Variants in GNG2 observed in about 807,000 individuals in gnomAD.
The protein encoded by GNG2 is guanine nucleotide-binding protein G(I)/G(S)/G(O) subunit gamma-2.
Under a neutral mutation model 5.5 loss-of-function variants are expected in GNG2, and 5 were observed. That is an observed-to-expected ratio of 0.91 (90% CI 0.48 to 1.92). GNG2 has a LOEUF of 1.92. Among genes scored for constraint, GNG2 ranks in the 30% most tolerant of loss-of-function variants. GNG2 has a pLI of 0.01. For missense variants in GNG2, 55 were observed against 88.4 expected (o/e 0.62, Z 1.52); for synonymous variants, 28 against 32.0 (o/e 0.88, Z 0.42).
At chr14:51,912,260 T>C (rs1486753712) in intron 2 of GNG2, among the ~76,000 whole-genome samples, 1 of 152,206 alleles carries the variant, frequency 6.6e-6, no homozygotes, top group South Asian at 2.1e-4. Flanking sequence ...GGGGGAGATA[T>C]AGTAAGAATG....
intron 2 of GNG2, among the ~76,000 whole-genome samples, chr14:51,886,138 C>CA (rs1173244068): frequency 6.6e-6 from 1 of 152,090 alleles, no homozygotes; most frequent in Non-Finnish European, 1.5e-5. Context: ...ATACCATATG[C>CA]AAAAAAGGTT....
chr14:51,900,304 T>C (rs930073218), intron 2 of GNG2, among the ~76,000 whole-genome samples: 1 of 152,088 alleles, frequency 6.6e-6, no homozygotes, highest in African/African-American at 2.4e-5. Flanking sequence ...GTTAAGAACA[T>C]GAAATCTCAT....
rs143568326 is a variant in GNG2, at chr14:51,914,920, T to C, written c.-29-35730T>C. 5.9e-5 allele frequency among the ~76,000 whole-genome samples: 9 copies of C among 152,336 alleles called. No homozygotes were observed. The East Asian group carries it at 9.6e-4, about 16-fold the overall frequency. ...AAATGGACAAAGATGATACATGCCC[T>C]GCCATCATGCCTTTCTGTCATGTAC... is the stretch of plus-strand genomic sequence containing the variant. On this transcript the variant is annotated intron_variant, in intron 2 of 3. Transcript: ENST00000556766.
chr14:51,916,405 T>A (rs889622436), intron 2 of GNG2: 8 of 442,914 alleles, frequency 1.8e-5, no homozygotes, highest in Admixed American at 1.8e-4. Context: ...CACATTGGCT[T>A]CCCACGAGGA....
At chr14:51,952,834 T>G (rs1889068619) in intron 3 of GNG2, among the ~76,000 whole-genome samples, 1 of 152,172 alleles carries the variant, frequency 6.6e-6, no homozygotes, top group African/African-American at 2.4e-5. Flanking sequence ...CCTTCCATAT[T>G]CCTTCCAAAT....
intron 2 of GNG2, among the ~76,000 whole-genome samples, chr14:51,915,342 C>T (rs1175987348): frequency 6.6e-6 from 1 of 152,192 alleles, no homozygotes; most frequent in African/African-American, 2.4e-5. Flanking sequence ...GGAGAGGATG[C>T]ATTTCAGTGT....
intron 2 of GNG2, among the ~76,000 whole-genome samples, chr14:51,904,116 A>G (rs540978141): frequency 6.6e-6 from 1 of 152,218 alleles, no homozygotes; most frequent in South Asian, 2.1e-4. Context: ...CTAAGAAGGT[A>G]CCTCGCCTGC....
chr14:51,855,131 G>A (rs990531762), intron 2 of GNG2, among the ~76,000 whole-genome samples: 1 of 152,200 alleles, frequency 6.6e-6, no homozygotes, highest in African/African-American at 2.4e-5. Flanking sequence ...ACATATATGT[G>A]TGACATTTCA....
At chr14:51,843,174 G>A (rs1881529892) in intron 2 of GNG2, among the ~76,000 whole-genome samples, 1 of 152,192 alleles carries the variant, frequency 6.6e-6, no homozygotes, top group Non-Finnish European at 1.5e-5. Flanking sequence ...CTTCAGGGGA[G>A]AGGGAAGAAA....
intron 1 of GNG2, 61 bp from the exon 2 acceptor site, chr14:51,877,556 C>G (rs933464930): frequency 2.2e-6 from 1 of 452,468 alleles, no homozygotes; most frequent in Non-Finnish European, 4.4e-6. Flanking sequence ...TTATCCAGCT[C>G]TTGTGTATCA....
chr14:51,903,298 C>G (rs1885682868), intron 2 of GNG2, among the ~76,000 whole-genome samples: 16 of 152,114 alleles, frequency 1.1e-4, no homozygotes, highest in Admixed American at 1.0e-3. Flanking sequence ...CAGAAGCACA[C>G]AGAAAACAAG....
At chr14:51,918,237 G>T (rs1213834642) in intron 2 of GNG2, among the ~76,000 whole-genome samples, 1 of 152,114 alleles carries the variant, frequency 6.6e-6, no homozygotes, top group East Asian at 1.9e-4. Flanking sequence ...ATGTTACCAC[G>T]CTGTCTTCAT....
At chr14:51,912,681 A>G (rs1311774664) in intron 2 of GNG2, among the ~76,000 whole-genome samples, 4 of 152,224 alleles carry the variant, frequency 2.6e-5, no homozygotes, top group Non-Finnish European at 5.9e-5. Context: ...GCTATTCCCT[A>G]CAAGGTTACC....
chr14:51,950,632 T>G lies in GNG2; in HGVS notation c.-29-18T>G, dbSNP rs1433297429. ...CATGAATTCTCTGGTACAATCTTCT[T>G]TTTGTTTTCTTTTCTAGTGTTTCTG... On this transcript the variant is annotated intron_variant, in intron 2 of 3. Transcript: ENST00000556766. The G allele has an allele frequency of 7.0e-7, 1 of 1,424,074 alleles. No homozygotes were observed. The highest frequency in any genetic ancestry group is 2.3e-5 in the East Asian group (1 of 43,200). The allele number at this position is 1,424,074 out of a possible 1,614,324, so 88.2% of individuals were successfully genotyped here.
intron 2 of GNG2, among the ~76,000 whole-genome samples, chr14:51,848,703 G>A (rs975269556): frequency 6.6e-6 from 1 of 152,196 alleles, no homozygotes; most frequent in Non-Finnish European, 1.5e-5. Context: ...TATGTGTGGG[G>A]ATCAGGAAAC....
chr14:51,852,286 T>A (rs1327699602), intron 2 of GNG2, among the ~76,000 whole-genome samples: 1 of 152,186 alleles, frequency 6.6e-6, no homozygotes, highest in African/African-American at 2.4e-5. Flanking sequence ...ACTTGACTTA[T>A]CTTCCTCCTC....
intron 2 of GNG2, among the ~76,000 whole-genome samples, chr14:51,923,674 T>C (rs546073900): frequency 3.9e-5 from 6 of 152,342 alleles, no homozygotes; most frequent in East Asian, 1.9e-4. Context: ...CTTTCTTAAA[T>C]GGAGAAATTG....
chr14:51,873,330 G>T (rs1202385985), intron 1 of GNG2, among the ~76,000 whole-genome samples: 2 of 152,210 alleles, frequency 1.3e-5, no homozygotes, highest in Non-Finnish European at 2.9e-5. Context: ...TAATCACGGT[G>T]CATGTTGTTA....
intron 2 of GNG2, among the ~76,000 whole-genome samples, chr14:51,905,284 T>C (rs1464419457): frequency 6.6e-6 from 1 of 152,246 alleles, no homozygotes; most frequent in Non-Finnish European, 1.5e-5. Context: ...GAATTATTTG[T>C]GGAAGTATAT....
Sources: allele counts gnomAD v4.1 joint callset (sites outside exome capture counted in the v4.1 genomes callset), GRCh38; gene constraint gnomAD v4.1.1; transcripts MANE v1.5; gene names NCBI Gene and HGNC (gene_info 2026-07-23, HGNC 2026-07-21).